The following ZNF782 variants were observed in gnomAD, a reference collection of about 807,000 sequenced individuals.
The protein encoded by ZNF782 is zinc finger protein 782.
Under a neutral mutation model 13.0 loss-of-function variants are expected in ZNF782, and 12 were observed. The observed-to-expected ratio is 0.92, with a 90% CI of 0.59 to 1.50. The LOEUF is 1.50. Ranked by LOEUF, ZNF782 falls within the 40% of genes most tolerant of loss-of-function variation. ZNF782 has a pLI of 0.00. For synonymous variants in ZNF782, 284 were observed against 283.0 expected, an observed-to-expected ratio of 1.00 and a Z score of -0.04; for missense variants, 770 against 822.9, an observed-to-expected ratio of 0.94 and a Z score of 0.79.
chr9:96,883,952 AAGT>A, the ZNF782 span, among the ~76,000 whole-genome samples: 1 of 152,212 alleles, frequency 6.6e-6, no homozygotes, highest in South Asian at 2.1e-4. Context: ...GCCTTAAGAA[AAGT>A]GTGTTCTCTT....
chr9:96,835,771 T>C (rs1303649772), intron 4 of ZNF782, among the ~76,000 whole-genome samples: 1 of 152,142 alleles, frequency 6.6e-6, no homozygotes, highest in Non-Finnish European at 1.5e-5. Flanking sequence ...AACGTATGTA[T>C]GAAAAACCCT....
chr9:96,825,755 T>A (rs2118427067), intron 5 of ZNF782, among the ~76,000 whole-genome samples: 1 of 152,192 alleles, frequency 6.6e-6, no homozygotes, highest in Non-Finnish European at 1.5e-5. Context: ...AACAGACACT[T>A]CTCAAAAGAA....
the ZNF782 span, among the ~76,000 whole-genome samples, chr9:96,930,700 C>T: frequency 2.6e-4 from 38 of 147,680 alleles, 1 homozygote; most frequent in Admixed American, 2.6e-3. Context: ...ACTGAGCTTC[C>T]TGAGTGGCAG....
intron 4 of ZNF782, among the ~76,000 whole-genome samples, chr9:96,830,897 T>TA (rs1850778299): frequency 6.6e-6 from 1 of 152,196 alleles, no homozygotes; most frequent in South Asian, 2.1e-4. Context: ...GTAGGTATTT[T>TA]AGAGTTGAAA....
At chr9:96,843,008 A>T (rs1423469789) in intron 4 of ZNF782, among the ~76,000 whole-genome samples, 1 of 152,090 alleles carries the variant, frequency 6.6e-6, no homozygotes, top group Non-Finnish European at 1.5e-5. Context: ...ATTGCTATAC[A>T]CCTGTTCAAC....
the ZNF782 span, among the ~76,000 whole-genome samples, chr9:96,932,973 CTTTTCTTTTT>C: frequency 6.9e-6 from 1 of 145,716 alleles, no homozygotes; most frequent in East Asian, 2.3e-4. Flanking sequence ...CTTTTCTTTT[CTTTTCTTTTT>C]TTTTTTTTTT....
At chr9:96,917,887 CGTGTGTGTGTGTGTGT>C in the ZNF782 span, among the ~76,000 whole-genome samples, 4 of 121,718 alleles carry the variant, frequency 3.3e-5, no homozygotes, top group Non-Finnish European at 6.6e-5. Flanking sequence ...CCACCCTTGG[CGTGTGTGTGTGTGTGT>C]GTGTGTGTGT....
chr9:96,886,504 G>A, the ZNF782 span, among the ~76,000 whole-genome samples: 1 of 152,180 alleles, frequency 6.6e-6, no homozygotes, highest in African/African-American at 2.4e-5. Context: ...TGTAAATGTA[G>A]AAAAGGTTGT....
At chr9:96,928,038 A>G in the ZNF782 span, among the ~76,000 whole-genome samples, 2 of 146,460 alleles carry the variant, frequency 1.4e-5, no homozygotes, top group Admixed American at 1.3e-4. Flanking sequence ...ATATCTCTGG[A>G]AAGATGAAAA....
intron 2 of ZNF782, among the ~76,000 whole-genome samples, chr9:96,861,102 T>A (rs1000155350): frequency 3.9e-5 from 6 of 152,052 alleles, no homozygotes; most frequent in African/African-American, 4.8e-5. Flanking sequence ...AAAAAAATTT[T>A]AAAAAAGATT....
the ZNF782 span, among the ~76,000 whole-genome samples, chr9:96,882,720 T>C: frequency 9.9e-4 from 151 of 152,342 alleles, 1 homozygote; most frequent in Non-Finnish European, 1.8e-3. Flanking sequence ...TTGTTTTAAC[T>C]GCATGCTTAC....
chr9:96,827,016 C>A, intron 5 of ZNF782, 64 bp downstream of exon 5: 1 of 1,063,992 alleles, frequency 9.4e-7, no homozygotes, highest in African/African-American at 1.6e-5. Flanking sequence ...TGACTATACG[C>A]TGAGTTGTGT....
chr9:96,912,306 C>A, the ZNF782 span, among the ~76,000 whole-genome samples: 1 of 144,142 alleles, frequency 6.9e-6, no homozygotes, highest in Non-Finnish European at 1.5e-5. Context: ...GCGGGCAGAT[C>A]ATGAGGTCGG....
the ZNF782 span, chr9:96,893,847 A>C: frequency 7.0e-6 from 1 of 143,844 alleles, no homozygotes; most frequent in East Asian, 1.9e-4. Flanking sequence ...AAAAATACAA[A>C]AAATTAGCCG....
At chr9:96,855,727 G>T (rs377060467), upstream of ZNF782, among the ~76,000 whole-genome samples, 10 of 152,236 alleles carry the variant, frequency 6.6e-5, no homozygotes, top group African/African-American at 2.4e-4. Context: ...GCATGTGCAA[G>T]TATCTTTTTC....
At chr9:96,881,208 C>T in the ZNF782 span, among the ~76,000 whole-genome samples, 1 of 152,014 alleles carries the variant, frequency 6.6e-6, no homozygotes, top group Non-Finnish European at 1.5e-5. Flanking sequence ...TCTTCCAAAA[C>T]CCCCCACAAC....
intron 4 of ZNF782, among the ~76,000 whole-genome samples, chr9:96,832,847 C>T (rs1366104873): frequency 1.3e-5 from 2 of 151,982 alleles, no homozygotes; most frequent in Non-Finnish European, 2.9e-5. Flanking sequence ...TCTTGAATCT[C>T]TAGGATTATG....
At chr9:96,927,494 G>C in the ZNF782 span, among the ~76,000 whole-genome samples, 1 of 152,074 alleles carries the variant, frequency 6.6e-6, no homozygotes, top group Non-Finnish European at 1.5e-5. Context: ...TTTCTGCAAT[G>C]GTTGTGGTGC....
chr9:96,863,280 C>T (rs1851723933), intron 1 of ZNF782, among the ~76,000 whole-genome samples: 1 of 151,500 alleles, frequency 6.6e-6, no homozygotes, highest in African/African-American at 2.4e-5. Flanking sequence ...TACTAATTAT[C>T]AGGGAAATGC....
Sources: allele counts gnomAD v4.1 joint callset (sites outside exome capture counted in the v4.1 genomes callset), GRCh38; gene constraint gnomAD v4.1.1; transcripts MANE v1.5; gene names NCBI Gene and HGNC (gene_info 2026-07-23, HGNC 2026-07-21).